Variants in ANO2 observed in about 807,000 individuals in gnomAD.
The protein encoded by ANO2 is anoctamin 2, also known as anoctamin-2.
In ANO2, 101 loss-of-function variants were observed where a neutral mutation model predicts 124.2. The observed-to-expected ratio is 0.81, with a 90% confidence interval of 0.69 to 0.96. The LOEUF is 0.96. Ranked by LOEUF, ANO2 falls within the 40% of genes least tolerant of loss-of-function variation. The pLI is 0.00. For synonymous variants in ANO2, 486 were observed against 482.5 expected (o/e 1.01, Z -0.09); for missense variants, 1,293 against 1,274.5 (o/e 1.01, Z -0.22).
At chr12:5,890,018 G>A (rs78734042) in intron 3 of ANO2, among the ~76,000 whole-genome samples, 2 of 151,912 alleles carry the variant, frequency 1.3e-5, no homozygotes, top group East Asian at 3.8e-4. Context: ...GTCCCCTCCA[G>A]TCTGTGGCCC....
intron 1 of ANO2, among the ~76,000 whole-genome samples, chr12:5,928,607 T>C (rs77661885): frequency 1.9e-4 from 28 of 145,702 alleles, no homozygotes; most frequent in East Asian, 8.0e-4. Flanking sequence ...CTTCTTTCCT[T>C]ACTCGTCTAC....
rs897115855 is a variant in ANO2, at chr12:5,565,587, C to T, written c.2698G>A (p.Ala900Thr). 15 of 1,604,910 alleles carry T rather than the reference C, an allele frequency of 9.3e-6. No individual in the cohort carries two copies. Among genetic ancestry groups the T allele is most frequent in the Middle Eastern group, 1.6e-4 (1 of 6,076 alleles). Residue 900 changes from alanine (A) to threonine (T), a missense_variant, in exon 24 of 25, where the codon GCC (alanine) becomes ACC (threonine). Physicochemically the swap from Ala to Thr is moderately conservative, Grantham distance 58 (BLOSUM62 0). Transcript: ENST00000682330. ...FSKQYWFILS[A>T]RLAFVIIFQN... ...AAGATTATGACAAAAGCCAGACGGGCGGACAGAATAAACCAGTACTGTTTC... is the reference window on the plus strand; with the variant it reads ...AAGATTATGACAAAAGCCAGACGGGTGGACAGAATAAACCAGTACTGTTTC...
intron 14 of ANO2, among the ~76,000 whole-genome samples, chr12:5,695,273 C>A (rs1949120857): frequency 6.6e-6 from 1 of 151,426 alleles, no homozygotes; most frequent in African/African-American, 2.4e-5. Context: ...CATGCCAGAT[C>A]AGGCAGGGTT....
rs569322226 is a variant in ANO2 at position 5,563,391 on chromosome 12, G to C, written c.2905C>G (p.Arg969Gly). The change falls in exon 25 of 25, where the codon CGA (arginine) becomes GGA (glycine). Residue 969 changes from arginine to glycine, a missense_variant. By Grantham distance (125) the Arg-to-Gly change is moderately radical. Coordinates refer to ENST00000682330, the MANE Select transcript of ANO2 (RefSeq NM_001364791.2). The stretch of plus-strand genomic sequence containing the variant: ...GAGCTGGCTGCCCGGCTCCTGCTTC[G>C]ATCCCCACCTCCTGGGCTCCTCAGA... ...PALRSPGGGD[R>G]SRSRAASSAP... 3.1e-6 allele frequency: 5 copies of C among 1,607,952 alleles called. No individual in the cohort carries two copies. In the South Asian group the frequency reaches 3.3e-5, roughly 11 times the overall value.
intron 3 of ANO2, among the ~76,000 whole-genome samples, chr12:5,888,274 G>T (rs1006422796): frequency 1.3e-5 from 2 of 152,282 alleles, no homozygotes; most frequent in African/African-American, 2.4e-5. Context: ...CTTCAGGAGT[G>T]AAGCTGCAGA....
At chr12:5,605,762 G>A (rs956350166) in intron 19 of ANO2, among the ~76,000 whole-genome samples, 5 of 152,128 alleles carry the variant, frequency 3.3e-5, no homozygotes, top group African/African-American at 1.2e-4. Context: ...GTGCAGGGAG[G>A]GGAGGAGGGA....
chr12:5,881,014 G>A (rs2137297071), intron 3 of ANO2, among the ~76,000 whole-genome samples: 1 of 152,196 alleles, frequency 6.6e-6, no homozygotes, highest in South Asian at 2.1e-4. Context: ...ATGATGGACT[G>A]GATTTATGAT....
intron 16 of ANO2, among the ~76,000 whole-genome samples, chr12:5,619,573 G>A (rs544213102): frequency 2.6e-5 from 4 of 152,248 alleles, no homozygotes; most frequent in Non-Finnish European, 4.4e-5. Context: ...AGACAGACAT[G>A]AGTGGAGGTG....
chr12:5,685,180 C>G (rs1484844832), intron 14 of ANO2, among the ~76,000 whole-genome samples: 1 of 152,146 alleles, frequency 6.6e-6, no homozygotes, highest in African/African-American at 2.4e-5. Context: ...CAAGAAAGCT[C>G]CAAGTATTTG....
intron 7 of ANO2, among the ~76,000 whole-genome samples, chr12:5,821,970 A>G (rs1330101238): frequency 1.3e-5 from 2 of 152,008 alleles, no homozygotes; most frequent in African/African-American, 4.8e-5. Context: ...GGAGCTCCCT[A>G]TGATCAGTTG....
chr12:5,693,128 T>C (rs1427919315), intron 14 of ANO2, among the ~76,000 whole-genome samples: 3 of 152,152 alleles, frequency 2.0e-5, no homozygotes, highest in African/African-American at 7.2e-5. Context: ...ATCTACCCAT[T>C]GGGTGAGCTG....
At chr12:5,771,590 G>A (rs1206421226) in intron 10 of ANO2, among the ~76,000 whole-genome samples, 1 of 152,014 alleles carries the variant, frequency 6.6e-6, no homozygotes, top group African/African-American at 2.4e-5. Context: ...GACCAGCCTG[G>A]CCATCAAGAT....
chr12:5,855,834 A>G (rs1955081252), intron 3 of ANO2, among the ~76,000 whole-genome samples: 1 of 152,224 alleles, frequency 6.6e-6, no homozygotes, highest in African/African-American at 2.4e-5. Flanking sequence ...CAGGATAATT[A>G]AGAAACACAC....
intron 10 of ANO2, among the ~76,000 whole-genome samples, chr12:5,773,634 C>A (rs1332299416): frequency 6.6e-6 from 1 of 152,214 alleles, no homozygotes; most frequent in Non-Finnish European, 1.5e-5. Flanking sequence ...CAAAAATTCA[C>A]AATCTTTCTA....
intron 10 of ANO2, among the ~76,000 whole-genome samples, chr12:5,752,244 G>A (rs773195912): frequency 4.6e-5 from 7 of 152,190 alleles, no homozygotes; most frequent in Non-Finnish European, 7.3e-5. Context: ...CCAAAAGGGA[G>A]ACTGTTGAAT....
At chr12:5,641,464 T>A (rs1946391030) in intron 15 of ANO2, among the ~76,000 whole-genome samples, 1 of 152,188 alleles carries the variant, frequency 6.6e-6, no homozygotes, top group Non-Finnish European at 1.5e-5. Flanking sequence ...ATAAGGATTT[T>A]AAAAAATCAA....
At chr12:5,888,693 G>T (rs2136269532) in intron 3 of ANO2, among the ~76,000 whole-genome samples, 1 of 151,970 alleles carries the variant, frequency 6.6e-6, no homozygotes, top group South Asian at 2.1e-4. Flanking sequence ...CACAAACCCT[G>T]AGCTAGACAC....
At chr12:5,912,786 A>G (rs186411573) in intron 3 of ANO2, among the ~76,000 whole-genome samples, 12 of 152,362 alleles carry the variant, frequency 7.9e-5, no homozygotes, top group Non-Finnish European at 1.5e-4. Flanking sequence ...CAAGCAGGAC[A>G]GGAACACAGC....
chr12:5,892,034 C>T (rs76458374), intron 3 of ANO2, among the ~76,000 whole-genome samples: 3,898 of 151,116 alleles, frequency 0.026, 90 homozygotes, highest in South Asian at 0.066. Flanking sequence ...AAAGAGCAAA[C>T]ACTCTTGAAA....
Sources: allele counts gnomAD v4.1 joint callset (sites outside exome capture counted in the v4.1 genomes callset), GRCh38; gene constraint gnomAD v4.1.1; transcripts MANE v1.5; gene names NCBI Gene and HGNC (gene_info 2026-07-23, HGNC 2026-07-21).